The following SOX6 variants were observed in gnomAD, a reference collection of about 807,000 sequenced individuals.
SOX6 encodes SRY-box transcription factor 6.
SOX6 carries 11 observed loss-of-function variants against 97.8 expected under a neutral mutation model. The ratio of observed to expected loss-of-function variants is 0.11; its 90% confidence interval spans 0.07 to 0.19. SOX6 has a LOEUF of 0.19. Among genes scored for constraint, SOX6 ranks in the 10% least tolerant of loss-of-function variants. The pLI is 1.00. For synonymous variants in SOX6, 360 were observed against 371.4 expected (o/e 0.97, Z 0.35); for missense variants, 810 against 1,039.5 (o/e 0.78, Z 3.04).
intron 4 of SOX6, among the ~76,000 whole-genome samples, chr11:16,212,595 T>G (rs1313741727): frequency 1.3e-5 from 2 of 152,184 alleles, no homozygotes; most frequent in Non-Finnish European, 2.9e-5. Context: ...AGGATATAAA[T>G]ATATAACTAT....
chr11:16,612,395 G>A (rs931797740), intron 3 of SOX6: 1 of 152,358 alleles, frequency 6.6e-6, no homozygotes, highest in Non-Finnish European at 1.5e-5. Flanking sequence ...GAAACGAAGG[G>A]TAATTACCAC....
chr11:16,317,270 T>C (rs1413171619), intron 3 of SOX6: 2 of 150,964 alleles, frequency 1.3e-5, no homozygotes, highest in Non-Finnish European at 3.0e-5. Flanking sequence ...ATATATAATA[T>C]AATACAATAA....
Position 16,046,530 on chromosome 11 carries a change from C to A in SOX6, c.1607G>T (p.Ser536Ile), listed in dbSNP as rs1161827110. ...CAGTTTTACCTTTTCATTCCTGCAG[C>A]TGTTCAGCCCCATATTATTTATGGA... is the stretch of plus-strand genomic sequence containing the variant. ...LSSINNMGLN[S>I]CRNEKERTRF... Residue 536 changes from serine to isoleucine, a missense_variant, in exon 12 of 16, where the codon AGC becomes ATC. By Grantham distance (142) the Ser-to-Ile change is moderately radical. This residue lies in a region of SOX6 where 120 missense variants were observed against 127.0 expected (regional missense o/e 0.94). Coordinates refer to ENST00000683767, the MANE Select transcript of SOX6 (RefSeq NM_001367873.1). 1 of 1,613,464 alleles carries A rather than the reference C, an allele frequency of 6.2e-7. No homozygotes were observed. The highest frequency in any genetic ancestry group is 1.3e-5 in the African/African-American group (1 of 75,012).
chr11:16,148,130 G>A (rs1850361519), intron 6 of SOX6, among the ~76,000 whole-genome samples: 1 of 152,138 alleles, frequency 6.6e-6, no homozygotes, highest in Admixed American at 6.6e-5. Context: ...CAAATACAGT[G>A]AATTTAACTT....
Position 16,538,239 on chromosome 11 carries a change from AAGG to A in SOX6, n.610-61854_610-61852del, listed in dbSNP as rs1861340375. Among the ~76,000 whole-genome samples the A allele has an allele frequency of 2.0e-5, 3 of 152,210 alleles. No homozygotes were observed. The South Asian group carries it at 6.2e-4, about 31-fold the overall frequency. On this transcript the variant is annotated intron_variant and non_coding_transcript_variant, in intron 4 of 5. Transcript: ENST00000524520. ...CCAGCCAAACTAAGCTTCAAAAGTG[AAGG>A]AGAAATAAAATCCTTTACAGACAAG...
intron 6 of SOX6, among the ~76,000 whole-genome samples, chr11:16,156,666 C>T (rs1028396565): frequency 3.9e-5 from 6 of 152,052 alleles, no homozygotes; most frequent in African/African-American, 1.4e-4. Flanking sequence ...GCTCTTTCTA[C>T]TCCATCTTTA....
upstream of SOX6, among the ~76,000 whole-genome samples, chr11:16,479,773 G>A (rs1860311701): frequency 6.6e-6 from 1 of 152,084 alleles, no homozygotes; most frequent in Non-Finnish European, 1.5e-5. Flanking sequence ...GATTATAAAT[G>A]TATGACTTTT....
At position 16,483,676 on chromosome 11, in the gene SOX6, A is replaced by G. The variant is rs192886257; in HGVS notation, n.610-7288T>C. Among the ~76,000 whole-genome samples, 190 of 151,954 alleles carry G rather than the reference A, an allele frequency of 1.3e-3. No individual in the cohort carries two copies. In the Middle Eastern group the frequency reaches 0.014, roughly 11 times the overall value. ...AGGCTATACTACATTTGCAATGAAA[A>G]AAATGAGGCAGGAAACACAGGTATA... On this transcript the variant is annotated intron_variant and non_coding_transcript_variant, in intron 4 of 5. Coordinates refer to the SOX6 transcript ENST00000524520.
At chr11:16,555,433 C>T (rs754986468) in intron 4 of SOX6, among the ~76,000 whole-genome samples, 6 of 151,234 alleles carry the variant, frequency 4.0e-5, no homozygotes, top group Non-Finnish European at 5.9e-5. Context: ...CATATAATGT[C>T]TTTAAATTTT....
chr11:16,342,543 G>A (rs1244994579), intron 1 of SOX6, among the ~76,000 whole-genome samples: 1 of 151,704 alleles, frequency 6.6e-6, no homozygotes, highest in Non-Finnish European at 1.5e-5. Flanking sequence ...CTGATTAAAG[G>A]GTCTAGAAAT....
At chr11:16,507,348 CT>C (rs1350578707) in intron 4 of SOX6, among the ~76,000 whole-genome samples, 1 of 152,060 alleles carries the variant, frequency 6.6e-6, no homozygotes, top group Non-Finnish European at 1.5e-5. Flanking sequence ...CCAAAGCAAC[CT>C]GTAGAGTCAA....
At chr11:16,401,251 A>C (rs1161675527) in intron 1 of SOX6, among the ~76,000 whole-genome samples, 1 of 151,562 alleles carries the variant, frequency 6.6e-6, no homozygotes, top group Non-Finnish European at 1.5e-5. Context: ...AAAGGTTTGC[A>C]GATTCTGGAT....
rs755479047 is a variant in SOX6 at position 16,692,056 on chromosome 11, CGTGT to C, written n.429+22770_429+22773del. Among the ~76,000 whole-genome samples the C allele has an allele frequency of 8.6e-4, 124 of 144,366 alleles. 1 individual carries two copies. Among genetic ancestry groups the C allele is most frequent in the African/African-American group, 1.8e-3 (67 of 38,270 alleles). 94.7% of individuals were successfully genotyped at this position (144,366 alleles called of 152,430 possible). A position where few individuals can be genotyped will look rare whatever the true frequency, so the allele number is the denominator to read the frequency against. On this transcript the variant is annotated intron_variant and non_coding_transcript_variant, in intron 3 of 5. Transcript: ENST00000524520. ...TCACTGAAGTTTTGATTTGCGTGTG[CGTGT>C]GTGTGTGTGTGTGTGTGTGTGTGTG...
intron 9 of SOX6, among the ~76,000 whole-genome samples, chr11:16,076,746 T>TTTTA (rs1848363085): frequency 7.9e-6 from 1 of 125,922 alleles, no homozygotes; most frequent in Non-Finnish European, 1.6e-5. Context: ...TTTTTTTTTT[T>TTTTA]TTTTTTTTTT....
chr11:16,431,244 T>C (rs1859266903), intron 1 of SOX6, among the ~76,000 whole-genome samples: 1 of 152,154 alleles, frequency 6.6e-6, no homozygotes, highest in Non-Finnish European at 1.5e-5. Context: ...CCTTTTAATA[T>C]ATTTTACTTG....
intron 1 of SOX6, among the ~76,000 whole-genome samples, chr11:16,354,419 C>T (rs1857024475): frequency 6.6e-6 from 1 of 151,922 alleles, no homozygotes; most frequent in South Asian, 2.1e-4. Context: ...CCAATATACT[C>T]GTGACCCAGT....
chr11:16,338,376 A>T (rs901674287), intron 2 of SOX6, among the ~76,000 whole-genome samples: 5 of 151,924 alleles, frequency 3.3e-5, no homozygotes, highest in Admixed American at 2.0e-4. Flanking sequence ...ACACACACAC[A>T]ATATATGTAG....
upstream of SOX6, among the ~76,000 whole-genome samples, chr11:16,360,158 C>G (rs950474425): frequency 3.3e-5 from 5 of 152,098 alleles, no homozygotes; most frequent in African/African-American, 1.2e-4. Flanking sequence ...ATCATTGTCC[C>G]CCATTTCACA....
intron 3 of SOX6, among the ~76,000 whole-genome samples, chr11:16,672,478 AG>A (rs1044177511): frequency 5.9e-5 from 9 of 152,228 alleles, no homozygotes; most frequent in African/African-American, 1.9e-4. Flanking sequence ...GTGGCTGGGG[AG>A]GCCTCACAAT....
Sources: allele counts gnomAD v4.1 joint callset (sites outside exome capture counted in the v4.1 genomes callset), GRCh38; gene constraint gnomAD v4.1.1; regional missense constraint gnomAD v4.1.1; transcripts MANE v1.5; gene names NCBI Gene and HGNC (gene_info 2026-07-23, HGNC 2026-07-21).